The following SKIC3 variants were observed in gnomAD, a reference collection of about 807,000 sequenced individuals.
SKIC3 encodes the protein SKI3 subunit of superkiller complex, also known as superkiller complex protein 3.
At chr5:95,525,721 C>T in the SKIC3 span, 1 of 1,556,342 alleles carries the variant, frequency 6.4e-7, no homozygotes, top group Admixed American at 1.7e-5. Context: ...TCAACACAAC[C>T]ACAGCAATGT....
chr5:95,466,619 A>G, the SKIC3 span, among the ~76,000 whole-genome samples: 107 of 152,366 alleles, frequency 7.0e-4, no homozygotes, highest in African/African-American at 2.5e-3. Context: ...GCAGGCAAAA[A>G]TAGTATAATC....
chr5:95,490,636 T>C, the SKIC3 span, among the ~76,000 whole-genome samples: 2 of 151,762 alleles, frequency 1.3e-5, no homozygotes, highest in Admixed American at 6.6e-5. Context: ...TAGCTAGGAC[T>C]ATAGGTGCCC....
At chr5:95,503,116 T>C in the SKIC3 span, 1 of 1,175,900 alleles carries the variant, frequency 8.5e-7, no homozygotes, top group African/African-American at 1.5e-5. Flanking sequence ...AATTATATCT[T>C]TGTATTCTCC....
chr5:95,484,769 T>G, the SKIC3 span: 2 of 1,614,086 alleles, frequency 1.2e-6, no homozygotes, highest in African/African-American at 2.7e-5. Flanking sequence ...CTGTGTCTAT[T>G]AGACCAGTGA....
At chr5:95,491,060 A>G in the SKIC3 span, 24 of 1,613,296 alleles carry the variant, frequency 1.5e-5, no homozygotes, top group African/African-American at 2.8e-4. Context: ...ATACACAGTG[A>G]TAAGTCTTGT....
At chr5:95,481,374 T>C in the SKIC3 span, among the ~76,000 whole-genome samples, 1 of 152,160 alleles carries the variant, frequency 6.6e-6, no homozygotes, top group African/African-American at 2.4e-5. Flanking sequence ...TCTGCCGCCA[T>C]GTGAGACACG....
At chr5:95,515,680 A>T in the SKIC3 span, among the ~76,000 whole-genome samples, 1 of 152,084 alleles carries the variant, frequency 6.6e-6, no homozygotes, top group Non-Finnish European at 1.5e-5. Context: ...TCTATTTACA[A>T]TTTTCTAAAT....
the SKIC3 span, among the ~76,000 whole-genome samples, chr5:95,492,712 A>G: frequency 2.2e-5 from 3 of 138,348 alleles, no homozygotes; most frequent in African/African-American, 8.2e-5. Flanking sequence ...ACTAGATAAC[A>G]GCTGAGGTGC....
the SKIC3 span, chr5:95,540,755 A>G: frequency 6.2e-7 from 1 of 1,614,120 alleles, no homozygotes; most frequent in African/African-American, 1.3e-5. Flanking sequence ...AATTTTCTCC[A>G]TAGTTGATGA....
At chr5:95,471,326 A>G in the SKIC3 span, among the ~76,000 whole-genome samples, 1 of 152,222 alleles carries the variant, frequency 6.6e-6, no homozygotes, top group East Asian at 1.9e-4. Context: ...AGTTAGCCCA[A>G]AGATGACTTT....
At chr5:95,497,584 A>G in the SKIC3 span, 2 of 915,194 alleles carry the variant, frequency 2.2e-6, no homozygotes, top group South Asian at 1.5e-5. Context: ...ACTTTTCTTA[A>G]TATCTAAAAC....
At chr5:95,473,336 G>A in the SKIC3 span, among the ~76,000 whole-genome samples, 1 of 137,512 alleles carries the variant, frequency 7.3e-6, no homozygotes, top group African/African-American at 2.8e-5. Context: ...GGGAGAGAGT[G>A]AGAAGGCAAG....
the SKIC3 span, chr5:95,467,719 G>A: frequency 8.9e-7 from 1 of 1,125,922 alleles, no homozygotes. Context: ...TCTTTTATTA[G>A]CCAAAAAATT....
At chr5:95,496,438 G>T in the SKIC3 span, among the ~76,000 whole-genome samples, 1 of 152,064 alleles carries the variant, frequency 6.6e-6, no homozygotes, top group Non-Finnish European at 1.5e-5. Context: ...AATAAGCTGA[G>T]ACCCCAACAG....
At chr5:95,545,678 T>C in the SKIC3 span, among the ~76,000 whole-genome samples, 6 of 152,292 alleles carry the variant, frequency 3.9e-5, no homozygotes, top group African/African-American at 1.4e-4. Context: ...AGTCCTCTAC[T>C]GCTCCTTCCT....
At chr5:95,494,801 A>G in the SKIC3 span, 2 of 1,613,426 alleles carry the variant, frequency 1.2e-6, no homozygotes, top group Non-Finnish European at 1.7e-6. Flanking sequence ...CTTCTAAATA[A>G]GAGAAAAGAT....
chr5:95,526,423 T>C, the SKIC3 span, among the ~76,000 whole-genome samples: 1 of 152,126 alleles, frequency 6.6e-6, no homozygotes, highest in Non-Finnish European at 1.5e-5. Context: ...TTCCCAAGGA[T>C]ACTTCAGGTC....
the SKIC3 span, among the ~76,000 whole-genome samples, chr5:95,552,364 A>G: frequency 6.6e-6 from 1 of 152,256 alleles, no homozygotes; most frequent in Admixed American, 6.5e-5. Flanking sequence ...TTATTATCCT[A>G]TATAGACATA....
At chr5:95,503,806 A>G in the SKIC3 span, 1 of 1,613,474 alleles carries the variant, frequency 6.2e-7, no homozygotes, top group East Asian at 2.2e-5. Flanking sequence ...TCAGAGCAAT[A>G]TACTTACCTT....
Sources: gnomAD v4.1 joint callset for allele counts (sites outside exome capture counted in the v4.1 genomes callset) on GRCh38, gnomAD v4.1.1 for gene constraint, MANE v1.5 for transcripts, NCBI Gene and HGNC (gene_info 2026-07-23, HGNC 2026-07-21) for gene names.